CTNND2: variants seen among roughly 807,000 people sequenced by gnomAD.
The protein encoded by CTNND2 is catenin delta 2, also known as catenin delta-2.
In CTNND2, 22 loss-of-function variants were observed where a neutral mutation model predicts 144.4. The ratio of observed to expected loss-of-function variants is 0.15; its 90% CI spans 0.11 to 0.22. The LOEUF is 0.22. Ranked by LOEUF, CTNND2 falls within the 10% of genes least tolerant of loss-of-function variation. The pLI is 1.00. For missense variants in CTNND2, 1,353 were observed against 1,618.8 expected (o/e 0.84, Z 2.82); for synonymous variants, 751 against 695.6 (o/e 1.08, Z -1.25).
chr5:11,594,685 C>G (rs1446601266), intron 2 of CTNND2, among the ~76,000 whole-genome samples: 1 of 152,072 alleles, frequency 6.6e-6, no homozygotes, highest in Non-Finnish European at 1.5e-5. Flanking sequence ...AAAAAACAAA[C>G]AAATATACAC....
At chr5:11,344,695 T>A (rs940407997) in intron 9 of CTNND2, among the ~76,000 whole-genome samples, 1 of 152,172 alleles carries the variant, frequency 6.6e-6, no homozygotes, top group East Asian at 1.9e-4. Flanking sequence ...ATTCTAACCC[T>A]TCTTATTGGT....
intron 12 of CTNND2, among the ~76,000 whole-genome samples, chr5:11,120,885 C>T (rs1754075270): frequency 6.6e-6 from 1 of 152,212 alleles, no homozygotes; most frequent in Non-Finnish European, 1.5e-5. Flanking sequence ...TGGGTTTCCA[C>T]TTTTAATCAA....
chr5:11,621,310 T>C (rs913642362), intron 2 of CTNND2, among the ~76,000 whole-genome samples: 9 of 152,220 alleles, frequency 5.9e-5, no homozygotes, highest in African/African-American at 2.2e-4. Flanking sequence ...AAATTTCATG[T>C]TGATTACATT....
At chr5:11,162,937 C>A (rs1256716778) in intron 11 of CTNND2, among the ~76,000 whole-genome samples, 1 of 150,112 alleles carries the variant, frequency 6.7e-6, no homozygotes. Flanking sequence ...ACACACATGT[C>A]TTGACTGACG....
intron 1 of CTNND2, among the ~76,000 whole-genome samples, chr5:11,848,170 C>T (rs1252255660): frequency 6.6e-6 from 1 of 151,218 alleles, no homozygotes; most frequent in Non-Finnish European, 1.5e-5. Context: ...AAATATTTAC[C>T]AAATTACTTC....
At chr5:11,425,481 G>A (rs1009630296) in intron 3 of CTNND2, among the ~76,000 whole-genome samples, 5 of 152,148 alleles carry the variant, frequency 3.3e-5, no homozygotes, top group Admixed American at 6.5e-5. Context: ...CACCTTCTCC[G>A]GGTACACAGC....
At chr5:10,996,286 G>A (rs989318031) in intron 18 of CTNND2, among the ~76,000 whole-genome samples, 2 of 152,172 alleles carry the variant, frequency 1.3e-5, no homozygotes, top group African/African-American at 4.8e-5. Flanking sequence ...GATATGGAGA[G>A]TGTATATTGA....
At chr5:11,398,812 T>G (rs1183946331) in intron 5 of CTNND2, among the ~76,000 whole-genome samples, 2 of 152,118 alleles carry the variant, frequency 1.3e-5, no homozygotes, top group African/African-American at 4.8e-5. Flanking sequence ...TATAAGGAAG[T>G]CTCTGAGGGG....
intron 3 of CTNND2, among the ~76,000 whole-genome samples, chr5:11,472,119 A>G (rs952056879): frequency 3.3e-5 from 5 of 152,328 alleles, no homozygotes; most frequent in African/African-American, 4.8e-5. Context: ...TTCATTTTAT[A>G]TAAGTACTTG....
intron 2 of CTNND2, among the ~76,000 whole-genome samples, chr5:11,573,185 G>T (rs1437281770): frequency 6.6e-6 from 1 of 152,190 alleles, no homozygotes; most frequent in Non-Finnish European, 1.5e-5. Context: ...TACATGTGAA[G>T]CACTTAGCAG....
At chr5:11,209,281 T>C (rs960448244) in intron 10 of CTNND2, among the ~76,000 whole-genome samples, 4 of 152,218 alleles carry the variant, frequency 2.6e-5, no homozygotes, top group African/African-American at 9.6e-5. Flanking sequence ...GGAGACATTA[T>C]TTTATCTCAT....
rs370010786 is a variant in CTNND2, at chr5:11,504,663, C to T, written c.287+60281G>A. On this transcript the variant is annotated intron_variant, in intron 3 of 21. Transcript: ENST00000304623. ...ACGGTGTCACGGCCCAGCCTTGGTG[C>T]TCTCCAATGTGGATGGCTGTGGGGA... 1.1e-3 allele frequency among the ~76,000 whole-genome samples: 163 copies of T among 152,172 alleles called. 1 individual carries two copies. Among genetic ancestry groups the T allele is most frequent in the Admixed American group, 4.2e-3 (64 of 15,282 alleles).
intron 18 of CTNND2, among the ~76,000 whole-genome samples, chr5:11,008,753 A>C (rs1373434743): frequency 6.6e-6 from 1 of 152,196 alleles, no homozygotes; most frequent in Non-Finnish European, 1.5e-5. Flanking sequence ...GATTAGGCTG[A>C]GGGTGGAAGC....
At chr5:11,479,211 C>T (rs1768020824) in intron 3 of CTNND2, among the ~76,000 whole-genome samples, 1 of 152,158 alleles carries the variant, frequency 6.6e-6, no homozygotes, top group Non-Finnish European at 1.5e-5. Context: ...CATGTGTTCT[C>T]ATCATTCAGC....
At chr5:11,114,109 G>A (rs1193435775) in intron 13 of CTNND2, among the ~76,000 whole-genome samples, 2 of 152,138 alleles carry the variant, frequency 1.3e-5, no homozygotes, top group African/African-American at 4.8e-5. Context: ...AGAGAGAAAC[G>A]ACTCTCATTG....
chr5:11,393,835 A>C (rs529413697), intron 6 of CTNND2, among the ~76,000 whole-genome samples: 8 of 152,262 alleles, frequency 5.3e-5, no homozygotes, highest in Non-Finnish European at 7.4e-5. Context: ...TTAACACATA[A>C]GGTAGATCAT....
intron 2 of CTNND2, among the ~76,000 whole-genome samples, chr5:11,652,944 C>T (rs1468251433): frequency 6.6e-6 from 1 of 152,072 alleles, no homozygotes; most frequent in Non-Finnish European, 1.5e-5. Context: ...CTTTAAATTA[C>T]ACATATAAAA....
chr5:11,854,421 A>G (rs1320595518), intron 1 of CTNND2, among the ~76,000 whole-genome samples: 1 of 152,220 alleles, frequency 6.6e-6, no homozygotes. Flanking sequence ...ATCCTAGCCA[A>G]GCAGACACTT....
At chr5:11,605,393 A>G (rs77306464) in intron 2 of CTNND2, among the ~76,000 whole-genome samples, 32 of 152,350 alleles carry the variant, frequency 2.1e-4, no homozygotes, top group African/African-American at 7.7e-4. Flanking sequence ...CTAAATGAAG[A>G]AGATGGTTTC....
Sources: allele counts gnomAD v4.1 joint callset (sites outside exome capture counted in the v4.1 genomes callset), GRCh38; gene constraint gnomAD v4.1.1; transcripts MANE v1.5; gene names NCBI Gene and HGNC (gene_info 2026-07-23, HGNC 2026-07-21).